The following FRMD3 variants were observed in gnomAD, a reference collection of about 807,000 sequenced individuals.
The protein encoded by FRMD3 is FERM domain-containing protein 3.
In FRMD3, 33 loss-of-function variants were observed where a neutral mutation model predicts 70.2. The ratio of observed to expected loss-of-function variants is 0.47; its 90% CI spans 0.36 to 0.63. FRMD3 has a LOEUF of 0.63. Among genes scored for constraint, FRMD3 ranks in the 20% least tolerant of loss-of-function variants. The probability of loss-of-function intolerance (pLI) is 0.00; values close to 1 mark genes in which losing one functional copy is unlikely to be tolerated. For missense variants in FRMD3, 632 were observed against 711.4 expected (o/e 0.89, Z 1.27); for synonymous variants, 279 against 255.9 (o/e 1.09, Z -0.86).
rs77669516 is a variant in FRMD3 at position 83,363,958 on chromosome 9, A to C, written c.295+8955T>G. 6.7e-3 allele frequency among the ~76,000 whole-genome samples: 1,015 copies of C among 152,244 alleles called. 8 individuals are homozygous for C. Among genetic ancestry groups the C allele is most frequent in the African/African-American group, 0.023 (942 of 41,540 alleles). On this transcript the variant is annotated intron_variant, in intron 3 of 13. Transcript: ENST00000304195. Reference sequence around the variant, plus strand: ...CAGAAGTGTTATCCTCATCCTCATCACCTGGATATTATCAATAATTACAAT... The same window carrying C: ...CAGAAGTGTTATCCTCATCCTCATCCCCTGGATATTATCAATAATTACAAT...
intron 2 of FRMD3, among the ~76,000 whole-genome samples, chr9:83,374,388 A>C (rs3860908): frequency 0.34 from 46,230 of 134,090 alleles, 7,073 homozygotes; most frequent in African/African-American, 0.37. Context: ...CACACACACA[A>C]AAAAACATAT....
At chr9:83,294,176 T>C (rs1177661705) in intron 12 of FRMD3, among the ~76,000 whole-genome samples, 1 of 152,086 alleles carries the variant, frequency 6.6e-6, no homozygotes, top group African/African-American at 2.4e-5. Flanking sequence ...ATAAAAGAGG[T>C]CTGAGAGAGC....
At chr9:83,465,554 C>T (rs1196092192) in intron 1 of FRMD3, among the ~76,000 whole-genome samples, 5 of 152,104 alleles carry the variant, frequency 3.3e-5, no homozygotes, top group Non-Finnish European at 7.4e-5. Context: ...TTTGATTTTC[C>T]TTTGTTTTTC....
In FRMD3 at chr9:83,309,142, C is replaced by T. The variant is rs191702094; in HGVS notation, c.926+394G>A. 9.2e-5 allele frequency among the ~76,000 whole-genome samples: 14 copies of T among 152,226 alleles called. No homozygotes were observed. In the East Asian group the frequency reaches 2.7e-3, roughly 29 times the overall value. Reference sequence around the variant, plus strand: ...CCCCTACTGGTATGTCCATTGATTACATCCCAAATAAGCTACTTGTACCAA... The same window carrying T: ...CCCCTACTGGTATGTCCATTGATTATATCCCAAATAAGCTACTTGTACCAA... On this transcript the variant is annotated intron_variant, in intron 10 of 13. Transcript: ENST00000304195.
At chr9:83,275,746 A>C (rs1038014960) in intron 13 of FRMD3, among the ~76,000 whole-genome samples, 13 of 152,206 alleles carry the variant, frequency 8.5e-5, no homozygotes, top group African/African-American at 3.1e-4. Context: ...CATGAATAAA[A>C]CTAGGGCCTG....
At chr9:83,407,362 C>T (rs748556787) in intron 1 of FRMD3, among the ~76,000 whole-genome samples, 1 of 152,150 alleles carries the variant, frequency 6.6e-6, no homozygotes, top group Non-Finnish European at 1.5e-5. Context: ...CCAACCCCAA[C>T]AAGGATATAA....
At chr9:83,518,079 C>T (rs933640236) in intron 1 of FRMD3, among the ~76,000 whole-genome samples, 3 of 152,088 alleles carry the variant, frequency 2.0e-5, no homozygotes, top group Admixed American at 1.3e-4. Context: ...GAAAACCTGC[C>T]CAAGACAAGG....
Position 83,465,519 on chromosome 9 carries a change from C to T in FRMD3, c.147+72566G>A, listed in dbSNP as rs554169078. Among the ~76,000 whole-genome samples, 5 of 152,318 alleles carry T rather than the reference C, an allele frequency of 3.3e-5. No homozygotes were observed. The East Asian group carries it at 9.6e-4, about 29-fold the overall frequency. ...CACAGATTCCACACAAATCCTTCTCCAAAGTACAGAAAAACACCAGGCCTT... is the reference window on the plus strand; with the variant it reads ...CACAGATTCCACACAAATCCTTCTCTAAAGTACAGAAAAACACCAGGCCTT... On this transcript the variant is annotated intron_variant, in intron 1 of 13. Transcript: ENST00000304195.
At position 83,456,632 on chromosome 9, in the gene FRMD3, A is replaced by G. The variant is rs4636277; in HGVS notation, c.148-66924T>C. 7.0e-3 allele frequency among the ~76,000 whole-genome samples: 1,067 copies of G among 152,318 alleles called. 11 individuals carry two copies. The highest frequency in any genetic ancestry group is 0.024 in the African/African-American group (1,004 of 41,568). On this transcript the variant is annotated intron_variant, in intron 1 of 13. Coordinates refer to ENST00000304195, the MANE Select transcript of FRMD3 (RefSeq NM_174938.6). ...TATCTCAAGGAGGTTTTAATTTATG[A>G]ATTTGTTTTAAATGCTTAACAAATT...
the FRMD3 span, among the ~76,000 whole-genome samples, chr9:83,549,741 T>C: frequency 6.6e-6 from 1 of 152,114 alleles, no homozygotes; most frequent in Non-Finnish European, 1.5e-5. Context: ...TGGCCACATA[T>C]ATGTCTTCTT....
chr9:83,287,753 T>A (rs1033695877), intron 13 of FRMD3, among the ~76,000 whole-genome samples: 1 of 152,218 alleles, frequency 6.6e-6, no homozygotes, highest in East Asian at 1.9e-4. Flanking sequence ...AAGGAACAAA[T>A]GCCCTCAAGG....
intron 1 of FRMD3, among the ~76,000 whole-genome samples, chr9:83,489,140 T>C (rs1030845775): frequency 4.6e-5 from 7 of 152,094 alleles, no homozygotes; most frequent in African/African-American, 1.7e-4. Flanking sequence ...CCTCAAACTA[T>C]AAAAATCCTA....
chr9:83,310,630 C>T (rs1835316882), intron 8 of FRMD3, 82 bp from the exon 9 acceptor site: 3 of 1,010,154 alleles, frequency 3.0e-6, no homozygotes, highest in Admixed American at 4.8e-5. Flanking sequence ...GAATCTGACT[C>T]AAAAATGCCA....
intron 2 of FRMD3, among the ~76,000 whole-genome samples, chr9:83,378,450 A>ATATATATATAATATACATATAAAATT (rs869145772): frequency 1.2e-4 from 15 of 120,112 alleles, no homozygotes; most frequent in African/African-American, 3.7e-4. Flanking sequence ...GCTAATTTAT[A>ATATATATATAATATACATATAAAATT]TATATATATA....
At chr9:83,329,928 AG>A (rs1836186006) in intron 6 of FRMD3, among the ~76,000 whole-genome samples, 1 of 152,246 alleles carries the variant, frequency 6.6e-6, no homozygotes, top group Non-Finnish European at 1.5e-5. Context: ...AAAGTCTATC[AG>A]GGTTCTTTAT....
the FRMD3 span, among the ~76,000 whole-genome samples, chr9:83,560,447 G>A: frequency 6.6e-6 from 1 of 152,178 alleles, no homozygotes; most frequent in Non-Finnish European, 1.5e-5. Context: ...TAACACCCTG[G>A]CATCATGCCC....
chr9:83,311,947 C>A lies in FRMD3; in HGVS notation c.713G>T (p.Gly238Val). ...KDSTGTTTFL[G>V]FTAAGFVVFQ... The stretch of plus-strand genomic sequence containing the variant: ...GACCACAAAGCCTGCAGCTGTGAAT[C>A]CTAAAAATGTTGTTGTGCCTGTTGA... The change falls in exon 8 of 14, where the codon GGA becomes GTA. Residue 238 changes from glycine (G) to valine (V), a missense_variant. Transcript: ENST00000304195. 1 of 1,607,180 alleles carries A rather than the reference C, an allele frequency of 6.2e-7. No individual in the cohort carries two copies. Among genetic ancestry groups the A allele is most frequent in the Non-Finnish European group, 8.5e-7 (1 of 1,177,740 alleles).
At chr9:83,330,279 G>T (rs916279223) in intron 6 of FRMD3, among the ~76,000 whole-genome samples, 93 of 151,018 alleles carry the variant, frequency 6.2e-4, no homozygotes, top group African/African-American at 2.2e-3. Context: ...CAGGAGAATT[G>T]CTTGAACCCA....
chr9:83,577,902 T>A, the FRMD3 span, among the ~76,000 whole-genome samples: 1 of 151,708 alleles, frequency 6.6e-6, no homozygotes, highest in Non-Finnish European at 1.5e-5. Context: ...AGAGTTGCAT[T>A]TTTAAAAGAT....
Sources: allele counts gnomAD v4.1 joint callset (sites outside exome capture counted in the v4.1 genomes callset), GRCh38; gene constraint gnomAD v4.1.1; transcripts MANE v1.5; gene names NCBI Gene and HGNC (gene_info 2026-07-23, HGNC 2026-07-21).